The following DCPH1 variants were observed in gnomAD, a reference collection of about 807,000 sequenced individuals.
The protein encoded by DCPH1 is damage-control phosphatase 1.
chr6:151,466,170 T>C, the DCPH1 span, among the ~76,000 whole-genome samples: 1 of 152,168 alleles, frequency 6.6e-6, no homozygotes, highest in Non-Finnish European at 1.5e-5. Context: ...CTGCCCACCT[T>C]GGCCTCCCAA....
the DCPH1 span, among the ~76,000 whole-genome samples, chr6:151,459,244 C>T: frequency 1.3e-5 from 2 of 152,142 alleles, no homozygotes; most frequent in Non-Finnish European, 2.9e-5. Flanking sequence ...GAAATAGTTA[C>T]ATTTATATAA....
At chr6:151,460,977 T>TTTC in the DCPH1 span, among the ~76,000 whole-genome samples, 1 of 152,168 alleles carries the variant, frequency 6.6e-6, no homozygotes, top group Non-Finnish European at 1.5e-5. Context: ...CTCAGAGAGA[T>TTTC]TTCTAACATG....
At chr6:151,453,613 A>C in the DCPH1 span, among the ~76,000 whole-genome samples, 1 of 152,180 alleles carries the variant, frequency 6.6e-6, no homozygotes, top group Non-Finnish European at 1.5e-5. Context: ...CATTTGAGGA[A>C]ACCTTTTGAA....
chr6:151,460,951 A>G, the DCPH1 span, among the ~76,000 whole-genome samples: 1 of 152,188 alleles, frequency 6.6e-6, no homozygotes, highest in Admixed American at 6.5e-5. Context: ...CCATTTTAAC[A>G]GTTTAGGTGA....
At chr6:151,469,617 T>C in the DCPH1 span, 3 of 152,734 alleles carry the variant, frequency 2.0e-5, no homozygotes, top group Non-Finnish European at 4.4e-5. Flanking sequence ...ACTGTGATGT[T>C]TGCTTACATA....
the DCPH1 span, among the ~76,000 whole-genome samples, chr6:151,465,148 CG>C: frequency 7.9e-5 from 12 of 152,274 alleles, no homozygotes; most frequent in African/African-American, 2.9e-4. Flanking sequence ...TGATAATACT[CG>C]GGTATTCAGT....
At chr6:151,464,549 A>G in the DCPH1 span, 3 of 1,612,394 alleles carry the variant, frequency 1.9e-6, no homozygotes, top group South Asian at 3.3e-5. Context: ...CTCACCTGCA[A>G]CAATTGATAA....
chr6:151,458,456 A>C, the DCPH1 span: 1 of 1,613,624 alleles, frequency 6.2e-7, no homozygotes, highest in Middle Eastern at 1.7e-4. Context: ...ATCAGTACCT[A>C]GAATATCAAC....
At chr6:151,469,270 G>A in the DCPH1 span, 6 of 558,270 alleles carry the variant, frequency 1.1e-5, no homozygotes, top group Non-Finnish European at 6.1e-6. Context: ...TTTTTCTTTT[G>A]AACATTTTGC....
the DCPH1 span, chr6:151,452,930 G>A: frequency 4.1e-6 from 1 of 246,560 alleles, no homozygotes; most frequent in East Asian, 8.5e-5. Context: ...GCGCTATTAA[G>A]AAACGGGTTT....
At chr6:151,468,706 A>T in the DCPH1 span, 1 of 1,614,158 alleles carries the variant, frequency 6.2e-7, no homozygotes, top group Non-Finnish European at 8.5e-7. Context: ...AAAACACAGT[A>T]ATCATAAGTG....
At chr6:151,464,463 G>T in the DCPH1 span, 2 of 1,601,740 alleles carry the variant, frequency 1.2e-6, no homozygotes, top group South Asian at 2.3e-5. Flanking sequence ...TCCACCAATC[G>T]ATTACTTTGA....
the DCPH1 span, among the ~76,000 whole-genome samples, chr6:151,465,386 G>T: frequency 6.6e-6 from 1 of 152,060 alleles, no homozygotes; most frequent in African/African-American, 2.4e-5. Flanking sequence ...GGAAAAGGGC[G>T]TTGGGAATGT....
At chr6:151,464,112 G>C in the DCPH1 span, among the ~76,000 whole-genome samples, 3 of 152,260 alleles carry the variant, frequency 2.0e-5, no homozygotes, top group Admixed American at 6.5e-5. Flanking sequence ...GTTAAAAAAT[G>C]TTTGTTGAAC....
At chr6:151,468,567 A>G in the DCPH1 span, 20 of 1,614,136 alleles carry the variant, frequency 1.2e-5, no homozygotes, top group Non-Finnish European at 1.0e-5. Flanking sequence ...AGCTTGTTAC[A>G]GATTTAATAT....
chr6:151,454,647 C>A, the DCPH1 span: 1 of 1,477,982 alleles, frequency 6.8e-7, no homozygotes, highest in South Asian at 1.2e-5. Flanking sequence ...TTGAGAAACA[C>A]GGAGAGGTAA....
chr6:151,452,844 G>C, the DCPH1 span: 1 of 427,194 alleles, frequency 2.3e-6, no homozygotes, highest in Non-Finnish European at 4.1e-6. Flanking sequence ...TGTTCCTGGC[G>C]GTCACTTTTT....
chr6:151,465,131 C>A, the DCPH1 span, among the ~76,000 whole-genome samples: 10,468 of 152,220 alleles, frequency 0.069, 520 homozygotes, highest in Non-Finnish European at 0.1. Context: ...CTGTTAGCAT[C>A]GGTAGGTGAT....
At chr6:151,453,954 C>G in the DCPH1 span, among the ~76,000 whole-genome samples, 1 of 152,134 alleles carries the variant, frequency 6.6e-6, no homozygotes, top group Non-Finnish European at 1.5e-5. Flanking sequence ...AGCACGCCTT[C>G]ATTTGCTTAG....
Sources: gnomAD v4.1 joint callset for allele counts (sites outside exome capture counted in the v4.1 genomes callset) on GRCh38, gnomAD v4.1.1 for gene constraint, MANE v1.5 for transcripts, NCBI Gene and HGNC (gene_info 2026-07-23, HGNC 2026-07-21) for gene names.